PTPRD: variants seen among roughly 807,000 people sequenced by gnomAD.
PTPRD encodes the protein receptor-type tyrosine-protein phosphatase delta.
In PTPRD, 34 loss-of-function variants were observed where a neutral mutation model predicts 214.5. The observed-to-expected ratio is 0.16, with a 90% CI of 0.12 to 0.21. The LOEUF (loss-of-function observed/expected upper bound fraction) is 0.21. Among genes scored for constraint, PTPRD ranks in the 10% least tolerant of loss-of-function variants. PTPRD has a pLI of 1.00. For synonymous variants in PTPRD, 1,128 were observed against 845.7 expected, an observed-to-expected ratio of 1.33 and a Z score of -5.79; for missense variants, 2,545 against 2,398.7, an observed-to-expected ratio of 1.06 and a Z score of -1.27.
At position 8,499,766 on chromosome 9, in the gene PTPRD, G is replaced by C. The variant is rs2136829423; in HGVS notation, c.2203C>G (p.Pro735Ala). The C allele has an allele frequency of 6.2e-7, 1 of 1,614,094 alleles. No individual in the cohort carries two copies. The highest frequency in any genetic ancestry group is 8.5e-7 in the Non-Finnish European group (1 of 1,179,984). ...TGGCCATGCTGTTTATTGGGCACGG[G>C]TGAGCGCCATGAGACTTTAACAGAT... ...STSVKVSWRS[P>A]VPNKQHGQIR... The change falls in exon 25 of 46, where the codon CCC (proline) becomes GCC (alanine). Residue 735 changes from proline (P) to alanine (A), a missense_variant. Physicochemically the swap from Pro to Ala is conservative, Grantham distance 27. Transcript: ENST00000381196.
At chr9:9,112,567 T>C (rs1468875231) in intron 10 of PTPRD, among the ~76,000 whole-genome samples, 1 of 152,152 alleles carries the variant, frequency 6.6e-6, no homozygotes, top group Non-Finnish European at 1.5e-5. Flanking sequence ...TGTAAGGCAC[T>C]CCCTGAAAGC....
intron 7 of PTPRD, among the ~76,000 whole-genome samples, chr9:9,660,368 T>A (rs1175930780): frequency 6.6e-6 from 1 of 151,982 alleles, no homozygotes; most frequent in African/African-American, 2.4e-5. Flanking sequence ...AAAGAGTTAT[T>A]TCAGCTACCT....
intron 12 of PTPRD, among the ~76,000 whole-genome samples, chr9:8,687,092 A>G (rs1253277869): frequency 6.6e-6 from 1 of 152,244 alleles, no homozygotes; most frequent in Non-Finnish European, 1.5e-5. Flanking sequence ...AAAATGCTGG[A>G]TACATTCTGA....
At chr9:8,947,189 C>T (rs986348153) in intron 11 of PTPRD, among the ~76,000 whole-genome samples, 27 of 151,394 alleles carry the variant, frequency 1.8e-4, no homozygotes, top group South Asian at 2.1e-4. Context: ...GTAGGTTGGG[C>T]GTGGTGGCTC....
At chr9:9,446,837 A>G (rs2090575117) in intron 8 of PTPRD, among the ~76,000 whole-genome samples, 2 of 152,184 alleles carry the variant, frequency 1.3e-5, no homozygotes, top group South Asian at 2.1e-4. Context: ...AAAGAACCAC[A>G]TTAAAAATTG....
intron 33 of PTPRD, among the ~76,000 whole-genome samples, chr9:8,457,772 G>C (rs914222744): frequency 6.6e-6 from 1 of 151,894 alleles, no homozygotes; most frequent in African/African-American, 2.4e-5. Flanking sequence ...TTTGCATATG[G>C]GAAGTAAAAT....
chr9:8,849,393 A>C, intron 11 of PTPRD, among the ~76,000 whole-genome samples: 1 of 151,840 alleles, frequency 6.6e-6, no homozygotes, highest in Non-Finnish European at 1.5e-5. Flanking sequence ...CGCCCAGCTT[A>C]TTTTTTGTAT....
chr9:9,020,320 G>A (rs577351405), intron 10 of PTPRD, among the ~76,000 whole-genome samples: 8 of 152,236 alleles, frequency 5.3e-5, no homozygotes, highest in East Asian at 1.9e-4. Context: ...GTACTCTTGC[G>A]ATTTTTGTTT....
intron 5 of PTPRD, among the ~76,000 whole-genome samples, chr9:9,902,102 C>T (rs1470832353): frequency 6.6e-6 from 1 of 152,100 alleles, no homozygotes; most frequent in Non-Finnish European, 1.5e-5. Context: ...TTTTTCCCTT[C>T]TCCAAAGGTT....
At chr9:10,398,402 T>A (rs1181470411) in intron 2 of PTPRD, among the ~76,000 whole-genome samples, 1 of 151,726 alleles carries the variant, frequency 6.6e-6, no homozygotes, top group Non-Finnish European at 1.5e-5. Context: ...CCTATATCTA[T>A]ATATATATTT....
At chr9:8,429,854 T>C (rs1451542070) in intron 35 of PTPRD, among the ~76,000 whole-genome samples, 3 of 152,214 alleles carry the variant, frequency 2.0e-5, no homozygotes, top group Admixed American at 2.0e-4. Context: ...CAGAGTTTCT[T>C]GTCCCTCTCC....
At chr9:9,598,720 T>C (rs1044480873) in intron 7 of PTPRD, among the ~76,000 whole-genome samples, 2 of 152,060 alleles carry the variant, frequency 1.3e-5, no homozygotes, top group South Asian at 4.1e-4. Context: ...CCATTATTGG[T>C]AAGCATAACT....
intron 11 of PTPRD, among the ~76,000 whole-genome samples, chr9:8,792,812 T>A (rs1287601109): frequency 6.6e-6 from 1 of 152,168 alleles, no homozygotes; most frequent in Non-Finnish European, 1.5e-5. Context: ...TTTCCTTTTC[T>A]CCATTTCTCT....
chr9:9,176,318 T>C (rs983476550), intron 10 of PTPRD, among the ~76,000 whole-genome samples: 9 of 152,216 alleles, frequency 5.9e-5, no homozygotes, highest in African/African-American at 2.2e-4. Context: ...CATTGATGAT[T>C]TGACCATTAA....
intron 2 of PTPRD, among the ~76,000 whole-genome samples, chr9:10,491,162 T>C (rs577328316): frequency 2.6e-5 from 4 of 152,304 alleles, no homozygotes; most frequent in Admixed American, 2.6e-4. Context: ...GATAAATGAA[T>C]ACATGAATAT....
At chr9:10,234,140 G>A (rs141799623) in intron 3 of PTPRD, among the ~76,000 whole-genome samples, 1 of 151,754 alleles carries the variant, frequency 6.6e-6, no homozygotes, top group Non-Finnish European at 1.5e-5. Context: ...TGTAATCACA[G>A]CTACTCAGGA....
chr9:8,740,376 C>G (rs1455682485), intron 11 of PTPRD, among the ~76,000 whole-genome samples: 3 of 152,146 alleles, frequency 2.0e-5, no homozygotes, highest in African/African-American at 7.2e-5. Flanking sequence ...AAGCATACTT[C>G]TAAACATCCT....
intron 8 of PTPRD, among the ~76,000 whole-genome samples, chr9:9,498,404 G>T (rs543597901): frequency 2.2e-4 from 33 of 152,158 alleles, no homozygotes; most frequent in Admixed American, 1.5e-3. Context: ...TTAAATCCAG[G>T]TTATAAACTT....
chr9:9,517,350 G>C (rs551070205), intron 8 of PTPRD, among the ~76,000 whole-genome samples: 2 of 152,166 alleles, frequency 1.3e-5, no homozygotes, highest in South Asian at 4.1e-4. Flanking sequence ...ATTTTAGTAA[G>C]GGGATAGACT....
Sources: allele counts gnomAD v4.1 joint callset (sites outside exome capture counted in the v4.1 genomes callset), GRCh38; gene constraint gnomAD v4.1.1; transcripts MANE v1.5; gene names NCBI Gene and HGNC (gene_info 2026-07-23, HGNC 2026-07-21).